Variants in GMNC observed in about 807,000 individuals in gnomAD.
GMNC encodes geminin coiled-coil domain containing.
GMNC carries 16 observed loss-of-function variants against 33.6 expected under a neutral mutation model. The ratio of observed to expected loss-of-function variants is 0.48; its 90% CI spans 0.32 to 0.72. GMNC has a LOEUF of 0.72. GMNC is among the 30% of genes least tolerant of loss of function. The probability of loss-of-function intolerance (pLI) is 0.03; values close to 1 mark genes in which losing one functional copy is unlikely to be tolerated. For missense variants in GMNC, 393 were observed against 388.9 expected (o/e 1.01, Z -0.09); for synonymous variants, 156 against 147.3 (o/e 1.06, Z -0.43).
At position 190,860,748 on chromosome 3, in the gene GMNC, C is replaced by G; in HGVS notation, c.114G>C (p.Trp38Cys). The G allele has an allele frequency of 1.3e-6, 2 of 1,551,436 alleles. No individual in the cohort carries two copies. Among genetic ancestry groups the G allele is most frequent in the Non-Finnish European group, 1.7e-6 (2 of 1,146,974 alleles). ...GGAGACCAGCAGCCCAGAAAGAGAC[C>G]CAAGTCTCCGTGGAAACGTCAACAC... ...ESSVDVSTET[W>C]VSFWAAGLLD... Residue 38 changes from tryptophan to cysteine, a missense_variant, in exon 2 of 5, where the codon TGG (tryptophan) becomes TGC (cysteine). Physicochemically the swap from Trp to Cys is radical, Grantham distance 215. Coordinates refer to ENST00000442080, the MANE Select transcript of GMNC (RefSeq NM_001146686.3).
intron 2 of GMNC, 94 bp downstream of exon 2, chr3:190,860,590 C>G: frequency 1.9e-6 from 2 of 1,057,306 alleles, no homozygotes; most frequent in South Asian, 4.0e-5. Context: ...TCCATATCGT[C>G]CCTTATTCTA....
At chr3:190,847,024 A>G in the GMNC span, among the ~76,000 whole-genome samples, 1,585 of 152,304 alleles carry the variant, frequency 0.01, 25 homozygotes, top group African/African-American at 0.037. Flanking sequence ...TTTTCTTGAC[A>G]TACTTTATTT....
In GMNC at chr3:190,860,672, A is replaced by G; in HGVS notation, c.178+12T>C. On this transcript the variant is annotated intron_variant, in intron 2 of 4. Transcript: ENST00000442080. ...TCCAGATCTATCAGGGAAGCAGAAG[A>G]GCAGAACTTACCCTGTGCCTGTGGT... The G allele has an allele frequency of 6.5e-7, 1 of 1,544,026 alleles. No individual in the cohort carries two copies. Among genetic ancestry groups the G allele is most frequent in the Non-Finnish European group, 8.8e-7 (1 of 1,142,504 alleles).
At chr3:190,857,222 T>G (rs953422010) in intron 4 of GMNC, among the ~76,000 whole-genome samples, 1 of 151,118 alleles carries the variant, frequency 6.6e-6, no homozygotes, top group African/African-American at 2.4e-5. Flanking sequence ...ATTTTAAAAG[T>G]GGAGAAAAAA....
rs1553787646 is a variant in GMNC, at chr3:190,862,362, A to AG, written c.3+250_3+251insC. Among the ~76,000 whole-genome samples, 77 of 147,580 alleles carry AG rather than the reference A, an allele frequency of 5.2e-4. No homozygotes were observed. In the South Asian group the frequency reaches 8.7e-3, roughly 17 times the overall value. On this transcript the variant is annotated intron_variant, in intron 1 of 4. Coordinates refer to ENST00000442080, the MANE Select transcript of GMNC (RefSeq NM_001146686.3). The surrounding 1 kb of genome is among the most constrained non-coding windows in gnomAD (Gnocchi z 4.5). ...AAGTAAGGAAAGTAGTAATAACAGA[A>AG]AGAGAGAGAGAGGGCGAGAGAGAGA...
chr3:190,846,510 T>C, the GMNC span, among the ~76,000 whole-genome samples: 1 of 152,208 alleles, frequency 6.6e-6, no homozygotes, highest in East Asian at 1.9e-4. Context: ...ACTAAAAATA[T>C]ATAAATTCAT....
rs1737721910 is a variant in GMNC at position 190,855,816 on chromosome 3, G to A, written c.484C>T (p.His162Tyr). The A allele has an allele frequency of 1.3e-6, 2 of 1,551,362 alleles. No individual in the cohort carries two copies. Among genetic ancestry groups the A allele is most frequent in the East Asian group, 2.4e-5 (1 of 40,914 alleles). ...AGGTTTCTTTTGGCATTTTTGGGAT[G>A]GGGAATCTCAGCAGGAGAGTATCTT... ...EQRYSPAEIPHPKNAKRNLSS... is the reference protein window; with the variant it reads ...EQRYSPAEIPYPKNAKRNLSS... The change falls in exon 5 of 5, where the codon CAT becomes TAT. Residue 162 changes from histidine to tyrosine, a missense_variant. Transcript: ENST00000442080.
chr3:190,855,691 G>A lies in GMNC; in HGVS notation c.609C>T (p.Asp203=). Reference sequence around the variant, plus strand: ...GGGCACTGTAGTTAGCTGATGAGGTGTCATCGATAGTGTCAAGGTCTTTTA... The same window carrying A: ...GGGCACTGTAGTTAGCTGATGAGGTATCATCGATAGTGTCAAGGTCTTTTA... ...LGLKDLDTID[D]TSSANYSALA... The change falls in exon 5 of 5, where the codon GAC becomes GAT. Residue 203 remains aspartate, a synonymous_variant. Coordinates refer to ENST00000442080, the MANE Select transcript of GMNC (RefSeq NM_001146686.3). 1.3e-6 allele frequency: 2 copies of A among 1,551,590 alleles called. No individual in the cohort carries two copies. Among genetic ancestry groups the A allele is most frequent in the Non-Finnish European group, 8.7e-7 (1 of 1,146,906 alleles).
At position 190,861,472 on chromosome 3, in the gene GMNC, A is replaced by G. The variant is rs1737867641; in HGVS notation, c.4-614T>C. Among the ~76,000 whole-genome samples, 1 of 150,702 alleles carries G rather than the reference A, an allele frequency of 6.6e-6. No homozygotes were observed. Among genetic ancestry groups the G allele is most frequent in the African/African-American group, 2.4e-5 (1 of 41,032 alleles). On this transcript the variant is annotated intron_variant, in intron 1 of 4. Coordinates refer to ENST00000442080, the MANE Select transcript of GMNC (RefSeq NM_001146686.3). The surrounding 1 kb of genome is among the most constrained non-coding windows in gnomAD (Gnocchi z 5.1). ...CTGCCTATCATCTATCTATCTATCT[A>G]TCTATCTATCTATCTATCTATCTAT...
chr3:190,862,600 G>A lies in GMNC; in HGVS notation c.3+13C>T, dbSNP rs1560039217. The A allele has an allele frequency of 6.5e-6, 10 of 1,549,926 alleles. No homozygotes were observed. The highest frequency in any genetic ancestry group is 8.7e-6 in the Non-Finnish European group (10 of 1,144,996). ...TTTGCCAGCGGACTAGCTAACGCCA[G>A]TTCCTCACTTACCATCTTGCAGTGG... On this transcript the variant is annotated intron_variant, in intron 1 of 4. Transcript: ENST00000442080. The surrounding 1 kb of genome is among the most constrained non-coding windows in gnomAD (Gnocchi z 4.5).
the GMNC span, among the ~76,000 whole-genome samples, chr3:190,845,168 T>G: frequency 2.0e-5 from 3 of 152,192 alleles, no homozygotes; most frequent in Non-Finnish European, 4.4e-5. Context: ...AAAATTCATA[T>G]GTCCACCAGA....
At chr3:190,849,562 C>T (rs769310571), downstream of GMNC, among the ~76,000 whole-genome samples, 2 of 152,196 alleles carry the variant, frequency 1.3e-5, no homozygotes, top group African/African-American at 2.4e-5. Context: ...CTTTATAAAG[C>T]TCCTGAGATA....
downstream of GMNC, among the ~76,000 whole-genome samples, chr3:190,851,450 T>A (rs888142856): frequency 6.6e-6 from 1 of 152,214 alleles, no homozygotes; most frequent in African/African-American, 2.4e-5. Context: ...TTTGAGCACA[T>A]AGATCCAACT....
chr3:190,851,278 G>C (rs956204436), downstream of GMNC, among the ~76,000 whole-genome samples: 1 of 152,226 alleles, frequency 6.6e-6, no homozygotes, highest in Non-Finnish European at 1.5e-5. Flanking sequence ...CACAAAACTA[G>C]AGAATATTTT....
the GMNC span, among the ~76,000 whole-genome samples, chr3:190,843,932 T>A: frequency 6.6e-6 from 1 of 152,322 alleles, no homozygotes; most frequent in South Asian, 2.1e-4. Flanking sequence ...AAGTAGTGTA[T>A]TGTTTTATTC....
At position 190,855,805 on chromosome 3, in the gene GMNC, A is replaced by G. The variant is rs947375155; in HGVS notation, c.495T>C (p.Asn165=). The change falls in exon 5 of 5, where the codon AAT becomes AAC. Residue 165 remains asparagine (N), a synonymous_variant. Transcript: ENST00000442080. ...ATTCACTAGAGAGGTTTCTTTTGGC[A>G]TTTTTGGGATGGGGAATCTCAGCAG... ...YSPAEIPHPK[N]AKRNLSSEFA... 3 of 1,551,250 alleles carry G rather than the reference A, an allele frequency of 1.9e-6. No individual in the cohort carries two copies. In the African/African-American group the frequency reaches 4.1e-5, roughly 21 times the overall value.
At chr3:190,848,338 G>A (rs1215628210), downstream of GMNC, among the ~76,000 whole-genome samples, 2 of 152,078 alleles carry the variant, frequency 1.3e-5, no homozygotes, top group African/African-American at 4.8e-5. Flanking sequence ...CTCTACATAG[G>A]CCCCACACTT....
At chr3:190,847,641 C>T in the GMNC span, among the ~76,000 whole-genome samples, 5,678 of 152,202 alleles carry the variant, frequency 0.037, 363 homozygotes, top group African/African-American at 0.13. Context: ...GTTGCTGCAG[C>T]CAGTGACTAT....
rs932757205 is a variant in GMNC at position 190,861,018 on chromosome 3, G to C, written c.4-160C>G. Among the ~76,000 whole-genome samples the C allele has an allele frequency of 3.3e-5, 5 of 152,070 alleles. No homozygotes were observed. Among genetic ancestry groups the C allele is most frequent in the African/African-American group, 1.2e-4 (5 of 41,418 alleles). ...AAGTATAGATCCATATTAATTTTGGGGTGGTCAAATTATAATTACTAAAAG... is the reference window on the plus strand; with the variant it reads ...AAGTATAGATCCATATTAATTTTGGCGTGGTCAAATTATAATTACTAAAAG... On this transcript the variant is annotated intron_variant, in intron 1 of 4. Coordinates refer to ENST00000442080, the MANE Select transcript of GMNC (RefSeq NM_001146686.3). This position sits in a 1 kb window ranked among gnomAD's most constrained non-coding sequence, Gnocchi z 5.1.
Sources: allele counts gnomAD v4.1 joint callset (sites outside exome capture counted in the v4.1 genomes callset), GRCh38; gene constraint gnomAD v4.1.1; non-coding constraint Gnocchi (gnomAD v3.1); transcripts MANE v1.5; gene names NCBI Gene and HGNC (gene_info 2026-07-23, HGNC 2026-07-21).